The following GPT2 variants were observed in gnomAD, a reference collection of about 807,000 sequenced individuals.
The protein encoded by GPT2 is alanine aminotransferase 2.
GPT2 carries 30 observed loss-of-function variants against 56.9 expected under a neutral mutation model. The observed-to-expected ratio is 0.53, with a 90% CI of 0.39 to 0.72. The LOEUF (loss-of-function observed/expected upper bound fraction) is 0.72, where lower values mean the gene tolerates loss of function less well. Among genes scored for constraint, GPT2 ranks in the 30% least tolerant of loss-of-function variants. GPT2 has a pLI of 0.00. For missense variants in GPT2, 542 were observed against 703.4 expected (o/e 0.77, Z 2.60); for synonymous variants, 271 against 283.1 (o/e 0.96, Z 0.43).
At chr16:46,885,744 C>T (rs760201983) in intron 2 of GPT2, among the ~76,000 whole-genome samples, 2 of 151,968 alleles carry the variant, frequency 1.3e-5, no homozygotes. Flanking sequence ...ACCAGGATGT[C>T]TGGGGTGGGT....
At chr16:46,907,097 TG>T in intron 5 of GPT2, 122 bp downstream of exon 5, 3 of 1,308,022 alleles carry the variant, frequency 2.3e-6, no homozygotes, top group Non-Finnish European at 3.2e-6. Context: ...GGCCACCCTC[TG>T]GTCCCCCAGC....
Position 46,916,486 on chromosome 16 carries a change from G to A in GPT2, c.821-142G>A, listed in dbSNP as rs1961166884. ...ACTACACCATCATGCATGGCAGCTGGGGAGGGGGGCCTCTGCGGGGAGGGT... is the reference window on the plus strand; with the variant it reads ...ACTACACCATCATGCATGGCAGCTGAGGAGGGGGGCCTCTGCGGGGAGGGT... On this transcript the variant is annotated intron_variant, in intron 6 of 11. Coordinates refer to ENST00000340124, the MANE Select transcript of GPT2 (RefSeq NM_133443.4). 3 of 700,404 alleles carry A rather than the reference G, an allele frequency of 4.3e-6. 1 individual carries two copies. The highest frequency in any genetic ancestry group is 3.3e-5 in the South Asian group (2 of 61,152). 43.4% of individuals were successfully genotyped at this position (700,404 alleles called of 1,614,324 possible).
At chr16:46,915,329 A>G (rs1961124228) in intron 6 of GPT2, 1 of 149,388 alleles carries the variant, frequency 6.7e-6, no homozygotes, top group Non-Finnish European at 1.5e-5. Flanking sequence ...GACACATACT[A>G]CAAACACTGC....
intron 4 of GPT2, among the ~76,000 whole-genome samples, chr16:46,904,711 G>A (rs1960885798): frequency 6.6e-6 from 1 of 152,148 alleles, no homozygotes; most frequent in African/African-American, 2.4e-5. Flanking sequence ...AAGAATGGGA[G>A]GCCTTGAGGA....
chr16:46,902,703 G>T (rs978140184), intron 4 of GPT2, among the ~76,000 whole-genome samples: 1 of 152,140 alleles, frequency 6.6e-6, no homozygotes, highest in Non-Finnish European at 1.5e-5. Context: ...TTGGTTCACT[G>T]CAACCTCTGC....
chr16:46,906,995 G>A lies in GPT2; in HGVS notation c.576+20G>A, dbSNP rs375586613. The A allele has an allele frequency of 6.8e-6, 11 of 1,614,040 alleles. No individual in the cohort carries two copies. In the East Asian group the frequency reaches 8.9e-5, roughly 13 times the overall value. On this transcript the variant is annotated intron_variant, in intron 5 of 11. Coordinates refer to ENST00000340124, the MANE Select transcript of GPT2 (RefSeq NM_133443.4). ...ATTTCTGTACGTGTGAGGGTGGCTCGTTGTTATCCGGTGTTTACCCACATG... is the reference window on the plus strand; with the variant it reads ...ATTTCTGTACGTGTGAGGGTGGCTCATTGTTATCCGGTGTTTACCCACATG...
At chr16:46,909,547 T>C in intron 5 of GPT2, 137 bp from the exon 6 acceptor site, 1 of 945,710 alleles carries the variant, frequency 1.1e-6, no homozygotes, top group Non-Finnish European at 1.6e-6. Context: ...ATTTTACAGA[T>C]GAGGAAACTG....
At chr16:46,905,770 C>T (rs1017720858) in intron 4 of GPT2, among the ~76,000 whole-genome samples, 5 of 152,176 alleles carry the variant, frequency 3.3e-5, no homozygotes, top group Non-Finnish European at 5.9e-5. Flanking sequence ...ATGCACACAT[C>T]GATGTCTCCC....
At chr16:46,921,321 G>A (rs1329579875) in intron 8 of GPT2, among the ~76,000 whole-genome samples, 3 of 152,130 alleles carry the variant, frequency 2.0e-5, no homozygotes, top group African/African-American at 7.2e-5. Context: ...TTACAGGCAT[G>A]CACCACCATG....
intron 2 of GPT2, among the ~76,000 whole-genome samples, chr16:46,893,486 G>A (rs1960622872): frequency 6.6e-6 from 1 of 152,180 alleles, no homozygotes; most frequent in African/African-American, 2.4e-5. Flanking sequence ...CTGGAGCCAC[G>A]GATGCGGAGG....
intron 2 of GPT2, among the ~76,000 whole-genome samples, chr16:46,890,027 C>T (rs1314091538): frequency 6.6e-6 from 1 of 152,226 alleles, no homozygotes; most frequent in African/African-American, 2.4e-5. Context: ...TAGTTGACCA[C>T]CCCACGGATG....
chr16:46,909,963 G>A (rs1182607150), intron 6 of GPT2, 36 bp downstream of exon 6: 3 of 1,554,880 alleles, frequency 1.9e-6, no homozygotes, highest in African/African-American at 1.4e-5. Flanking sequence ...TTCGTAGAGG[G>A]TGGGGGTGGC....
chr16:46,907,002 T>C (rs1019524108), intron 5 of GPT2, 27 bp downstream of exon 5: 1 of 1,613,926 alleles, frequency 6.2e-7, no homozygotes. Flanking sequence ...CTCGTTGTTA[T>C]CCGGTGTTTA....
intron 4 of GPT2, among the ~76,000 whole-genome samples, chr16:46,905,951 G>A (rs1037852136): frequency 1.3e-5 from 2 of 152,172 alleles, no homozygotes; most frequent in Non-Finnish European, 2.9e-5. Flanking sequence ...AAATGGCAGC[G>A]GGAGGGTATG....
At chr16:46,920,771 T>G (rs1298843571) in intron 8 of GPT2, among the ~76,000 whole-genome samples, 1 of 152,200 alleles carries the variant, frequency 6.6e-6, no homozygotes. Flanking sequence ...TTCTGGCTCC[T>G]TGCTTGACTT....
intron 2 of GPT2, chr16:46,885,705 C>G: frequency 4.9e-6 from 1 of 204,988 alleles, no homozygotes; most frequent in South Asian, 1.7e-4. Context: ...GGTGAGCCCA[C>G]AGCCAGGAAG....
chr16:46,923,481 TC>T (rs1961338421), intron 9 of GPT2, among the ~76,000 whole-genome samples: 1 of 152,124 alleles, frequency 6.6e-6, no homozygotes, highest in Non-Finnish European at 1.5e-5. Flanking sequence ...TAGAGTCATG[TC>T]TTATTTGTCT....
intron 2 of GPT2, among the ~76,000 whole-genome samples, chr16:46,893,044 C>A (rs1455921813): frequency 6.6e-6 from 1 of 152,228 alleles, no homozygotes; most frequent in Admixed American, 6.5e-5. Context: ...TGGTTCAACT[C>A]TATTGTTTAG....
chr16:46,909,617 C>A, intron 5 of GPT2, 67 bp from the exon 6 acceptor site: 1 of 1,565,168 alleles, frequency 6.4e-7, no homozygotes, highest in Non-Finnish European at 8.7e-7. Context: ...AGTGGGGCCA[C>A]GGGTGAAAGG....
Sources: gnomAD v4.1 joint callset for allele counts (sites outside exome capture counted in the v4.1 genomes callset) on GRCh38, gnomAD v4.1.1 for gene constraint, MANE v1.5 for transcripts, NCBI Gene and HGNC (gene_info 2026-07-23, HGNC 2026-07-21) for gene names.